Variants in INVS observed in about 807,000 individuals in gnomAD.
INVS encodes the protein inversion of embryo turning homolog.
Under a neutral mutation model 108.8 loss-of-function variants are expected in INVS, and 86 were observed. The observed-to-expected ratio is 0.79, with a 90% CI of 0.66 to 0.95. The LOEUF is 0.95. INVS is among the 40% of genes least tolerant of loss of function. The pLI is 0.00. For synonymous variants in INVS, 455 were observed against 473.5 expected, an observed-to-expected ratio of 0.96 and a Z score of 0.51; for missense variants, 1,169 against 1,297.4, an observed-to-expected ratio of 0.90 and a Z score of 1.52.
chr9:100,133,336 TTA>T (rs913325653), intron 3 of INVS, among the ~76,000 whole-genome samples: 3 of 148,250 alleles, frequency 2.0e-5, no homozygotes, highest in Admixed American at 6.6e-5. Flanking sequence ...TACCTTTACT[TTA>T]TGTGTGTGTG....
intron 3 of INVS, among the ~76,000 whole-genome samples, chr9:100,139,088 T>C (rs955947297): frequency 2.6e-5 from 4 of 152,198 alleles, no homozygotes; most frequent in Non-Finnish European, 5.9e-5. Flanking sequence ...TACAAACATA[T>C]TTTGTGCTTC....
chr9:100,158,973 A>G (rs1829088897), intron 3 of INVS, among the ~76,000 whole-genome samples: 1 of 152,142 alleles, frequency 6.6e-6, no homozygotes, highest in African/African-American at 2.4e-5. Flanking sequence ...CATGTGACAT[A>G]GCTGCTGCTC....
intron 14 of INVS, among the ~76,000 whole-genome samples, chr9:100,293,498 CTTTAT>C (rs1250343818): frequency 2.0e-5 from 3 of 152,162 alleles, no homozygotes; most frequent in African/African-American, 7.2e-5. Flanking sequence ...ATAGGAGATA[CTTTAT>C]TTTTATTCTT....
chr9:100,266,124 T>G (rs1832786998), intron 11 of INVS, among the ~76,000 whole-genome samples: 1 of 152,070 alleles, frequency 6.6e-6, no homozygotes, highest in African/African-American at 2.4e-5. Flanking sequence ...GAATAGCGAT[T>G]CTTGGTGGTG....
chr9:100,131,344 A>G (rs1425672603), intron 3 of INVS, among the ~76,000 whole-genome samples: 1 of 152,162 alleles, frequency 6.6e-6, no homozygotes, highest in African/African-American at 2.4e-5. Context: ...ATGTTTGTGG[A>G]AAAACTTATT....
chr9:100,274,789 G>A (rs1447951060), intron 12 of INVS, among the ~76,000 whole-genome samples: 1 of 152,006 alleles, frequency 6.6e-6, no homozygotes, highest in Non-Finnish European at 1.5e-5. Flanking sequence ...ACAGGCATGA[G>A]CCACTGTGCC....
At chr9:100,129,206 G>C (rs887673403) in intron 3 of INVS, among the ~76,000 whole-genome samples, 1 of 151,652 alleles carries the variant, frequency 6.6e-6, no homozygotes, top group African/African-American at 2.4e-5. Context: ...ATCTGGCAGG[G>C]TGCAGTGGCT....
intron 3 of INVS, among the ~76,000 whole-genome samples, chr9:100,154,791 A>G (rs1418581171): frequency 6.6e-6 from 1 of 151,832 alleles, no homozygotes; most frequent in Non-Finnish European, 1.5e-5. Context: ...ATGAATGAAG[A>G]CTCTTACCTA....
chr9:100,280,011 C>T (rs940926307), intron 12 of INVS, among the ~76,000 whole-genome samples: 1 of 152,164 alleles, frequency 6.6e-6, no homozygotes, highest in Non-Finnish European at 1.5e-5. Flanking sequence ...CTGAAACCAT[C>T]GTACGTTCAA....
chr9:100,265,014 C>A (rs1832745282), intron 11 of INVS, 86 bp downstream of exon 11: 2 of 844,702 alleles, frequency 2.4e-6, no homozygotes, highest in Non-Finnish European at 2.0e-6. Flanking sequence ...ACGATCTTGG[C>A]TCACTGCAAC....
At chr9:100,106,281 C>T (rs1404918270) in intron 2 of INVS, among the ~76,000 whole-genome samples, 2 of 152,184 alleles carry the variant, frequency 1.3e-5, no homozygotes, top group African/African-American at 4.8e-5. Context: ...TCCACACATG[C>T]TCTGTGTTCC....
chr9:100,190,744 A>G (rs1287124783), intron 3 of INVS, among the ~76,000 whole-genome samples: 1 of 152,174 alleles, frequency 6.6e-6, no homozygotes, highest in Non-Finnish European at 1.5e-5. Context: ...TGTTGGTCTA[A>G]TAAGTTTTCC....
intron 2 of INVS, among the ~76,000 whole-genome samples, chr9:100,114,955 G>A (rs138607942): frequency 9.3e-4 from 141 of 152,250 alleles, no homozygotes; most frequent in African/African-American, 1.4e-3. Context: ...TATTTCTCCT[G>A]AGTAAACACT....
At chr9:100,275,642 C>T (rs1240057586) in intron 12 of INVS, among the ~76,000 whole-genome samples, 1 of 152,196 alleles carries the variant, frequency 6.6e-6, no homozygotes, top group African/African-American at 2.4e-5. Flanking sequence ...CATGTCACCT[C>T]GGTGTACCTT....
chr9:100,123,612 C>T (rs75784927), intron 2 of INVS, among the ~76,000 whole-genome samples: 4,050 of 152,200 alleles, frequency 0.027, 75 homozygotes, highest in Non-Finnish European at 0.038. Context: ...GTCTTCGTTT[C>T]TCTTGGGTAC....
At chr9:100,289,901 C>T (rs1477278085) in intron 13 of INVS, among the ~76,000 whole-genome samples, 1 of 152,142 alleles carries the variant, frequency 6.6e-6, no homozygotes, top group African/African-American at 2.4e-5. Flanking sequence ...ATTGCTGGAT[C>T]TTATGTAAGA....
At position 100,224,679 on chromosome 9, in the gene INVS, C is replaced by T. The variant is rs953407894; in HGVS notation, c.274-1383C>T. Among the ~76,000 whole-genome samples, 12 of 151,646 alleles carry T rather than the reference C, an allele frequency of 7.9e-5. No individual in the cohort carries two copies. The East Asian group carries it at 2.1e-3, about 27-fold the overall frequency. On this transcript the variant is annotated intron_variant, in intron 3 of 16. Transcript: ENST00000262457. ...TCACCCAGGTTAGAGTGCAGTGGTGCGATCTCTGCTCACTGCAACCTCTGC... is the reference window on the plus strand; with the variant it reads ...TCACCCAGGTTAGAGTGCAGTGGTGTGATCTCTGCTCACTGCAACCTCTGC...
At chr9:100,161,364 C>CAAAAAA (rs35392930) in intron 3 of INVS, among the ~76,000 whole-genome samples, 2 of 12,382 alleles carry the variant, frequency 1.6e-4, no homozygotes, top group East Asian at 3.1e-3. Context: ...ACTTCCATCT[C>CAAAAAA]AAAAAAAAAA....
Position 100,179,466 on chromosome 9 carries a change from C to CA in INVS, c.274-46585dup, listed in dbSNP as rs943357935. ...GAATATTTACCAAGCAAATGGAAAGCAAAAAAAAAAAGCAGGGGTTGCAAT... is the reference window on the plus strand; with the variant it reads ...GAATATTTACCAAGCAAATGGAAAGCAAAAAAAAAAAAGCAGGGGTTGCAAT... On this transcript the variant is annotated intron_variant, in intron 3 of 16. Coordinates refer to ENST00000262457, the MANE Select transcript of INVS (RefSeq NM_014425.5). Among the ~76,000 whole-genome samples the CA allele has an allele frequency of 3.5e-3, 464 of 130,928 alleles. 2 individuals carry two copies. The highest frequency in any genetic ancestry group is 0.01 in the East Asian group (46 of 4,504). 85.9% of individuals were successfully genotyped at this position (130,928 alleles called of 152,430 possible). A position where few individuals can be genotyped will look rare whatever the true frequency, so the allele number is the denominator to read the frequency against.
Sources: allele counts gnomAD v4.1 joint callset (sites outside exome capture counted in the v4.1 genomes callset), GRCh38; gene constraint gnomAD v4.1.1; transcripts MANE v1.5; gene names NCBI Gene and HGNC (gene_info 2026-07-23, HGNC 2026-07-21).